Variants in SLC1A3 observed in about 807,000 individuals in gnomAD.
SLC1A3 encodes excitatory amino acid transporter 1.
SLC1A3 carries 21 observed loss-of-function variants against 48.1 expected under a neutral mutation model. The observed-to-expected ratio is 0.44, with a 90% CI of 0.31 to 0.63. SLC1A3 has a LOEUF of 0.63. SLC1A3 is among the 20% of genes least tolerant of loss of function. The pLI is 0.08. For synonymous variants in SLC1A3, 239 were observed against 251.4 expected, an observed-to-expected ratio of 0.95 and a Z score of 0.47; for missense variants, 546 against 689.0, an observed-to-expected ratio of 0.79 and a Z score of 2.32.
rs1176214248 is a variant in SLC1A3, at chr5:36,599,508, CTTTT to C, written c.-96+2846_-96+2849del. ...CCTACACATCGTAGCTACGGTTGAACTTTTTTTTTTTTTTTTTTTGAGACGGAGT... is the reference window on the plus strand; with the variant it reads ...CCTACACATCGTAGCTACGGTTGAACTTTTTTTTTTTTTTTGAGACGGAGT... On this transcript the variant is annotated intron_variant, in intron 1 of 9. Coordinates refer to the SLC1A3 transcript ENST00000680318. Among the ~76,000 whole-genome samples, 37 of 78,280 alleles carry C rather than the reference CTTTT, an allele frequency of 4.7e-4. 2 individuals carry two copies. The highest frequency in any genetic ancestry group is 5.9e-4 in the South Asian group (1 of 1,700). 51.4% of individuals were successfully genotyped at this position (78,280 alleles called of 152,430 possible). A position where few individuals can be genotyped will look rare whatever the true frequency, so the allele number is the denominator to read the frequency against.
At chr5:36,662,527 T>C (rs1741556818) in intron 3 of SLC1A3, among the ~76,000 whole-genome samples, 2 of 152,194 alleles carry the variant, frequency 1.3e-5, no homozygotes. Flanking sequence ...CTTGCTCTGC[T>C]TAGCACACAT....
chr5:36,606,994 G>C (rs1405391284), intron 1 of SLC1A3: 1 of 151,858 alleles, frequency 6.6e-6, no homozygotes, highest in Non-Finnish European at 1.5e-5. Flanking sequence ...AAGGTTGAGC[G>C]GATCTGCTTA....
chr5:36,615,517 G>T (rs928422003), intron 2 of SLC1A3, among the ~76,000 whole-genome samples: 1 of 152,086 alleles, frequency 6.6e-6, no homozygotes, highest in Non-Finnish European at 1.5e-5. Context: ...CCTCTTGAGG[G>T]CCCCTGGCTC....
intron 3 of SLC1A3, among the ~76,000 whole-genome samples, chr5:36,657,952 C>G (rs973559681): frequency 2.6e-5 from 4 of 152,186 alleles, no homozygotes; most frequent in African/African-American, 9.7e-5. Context: ...TTTGACAAAG[C>G]AGAGTAGCTA....
chr5:36,626,279 C>T (rs1436323430), intron 2 of SLC1A3, among the ~76,000 whole-genome samples: 1 of 152,154 alleles, frequency 6.6e-6, no homozygotes, highest in African/African-American at 2.4e-5. Context: ...TAATCGCTTC[C>T]TTCATCAGCC....
At chr5:36,665,957 G>C (rs193150861) in intron 3 of SLC1A3, among the ~76,000 whole-genome samples, 1 of 152,198 alleles carries the variant, frequency 6.6e-6, no homozygotes. Context: ...ATAGCACTTT[G>C]CAGTGTTTTT....
chr5:36,677,209 T>A (rs1414791354), intron 6 of SLC1A3, 25 bp downstream of exon 6: 2 of 1,592,162 alleles, frequency 1.3e-6, no homozygotes, highest in East Asian at 2.2e-5. Context: ...TTTCTATATA[T>A]GTTATATACG....
chr5:36,671,695 ATCT>A (rs1742002827), intron 4 of SLC1A3, among the ~76,000 whole-genome samples: 1 of 152,212 alleles, frequency 6.6e-6, no homozygotes, highest in Non-Finnish European at 1.5e-5. Flanking sequence ...TTTAGAGATC[ATCT>A]TGTCAAACCT....
chr5:36,646,606 T>C (rs1740850508), intron 3 of SLC1A3, among the ~76,000 whole-genome samples: 1 of 152,186 alleles, frequency 6.6e-6, no homozygotes, highest in African/African-American at 2.4e-5. Flanking sequence ...CGTCTCCATT[T>C]TGATGAAGGC....
At chr5:36,612,379 A>G (rs923057001) in intron 2 of SLC1A3, among the ~76,000 whole-genome samples, 2 of 152,192 alleles carry the variant, frequency 1.3e-5, no homozygotes, top group African/African-American at 4.8e-5. Flanking sequence ...CAGGAGTTCA[A>G]GATCAATCTG....
intron 2 of SLC1A3, among the ~76,000 whole-genome samples, chr5:36,627,156 TAC>T (rs377606634): frequency 5.9e-5 from 9 of 151,692 alleles, no homozygotes; most frequent in East Asian, 3.9e-4. Flanking sequence ...ACCCAACATA[TAC>T]ACACACACAC....
intron 3 of SLC1A3, among the ~76,000 whole-genome samples, chr5:36,661,597 A>AC (rs1741517930): frequency 6.6e-6 from 1 of 152,216 alleles, no homozygotes; most frequent in Non-Finnish European, 1.5e-5. Context: ...GTGGGTGGGC[A>AC]CAGGTGCATG....
intron 3 of SLC1A3, among the ~76,000 whole-genome samples, chr5:36,635,747 G>A (rs182257501): frequency 1.3e-5 from 2 of 152,280 alleles, no homozygotes; most frequent in South Asian, 2.1e-4. Context: ...TGTTGTGAGC[G>A]GAGATTTTCG....
At chr5:36,654,196 AG>A (rs1348633020) in intron 3 of SLC1A3, among the ~76,000 whole-genome samples, 1 of 152,250 alleles carries the variant, frequency 6.6e-6, no homozygotes, top group Non-Finnish European at 1.5e-5. Flanking sequence ...TCCACATCTG[AG>A]GGGTTCTTAC....
intron 3 of SLC1A3, among the ~76,000 whole-genome samples, chr5:36,635,782 T>A (rs920553919): frequency 2.6e-5 from 4 of 152,132 alleles, no homozygotes; most frequent in Admixed American, 1.3e-4. Context: ...TGAGGCGAAC[T>A]GAGTCTCCAT....
intron 2 of SLC1A3, among the ~76,000 whole-genome samples, chr5:36,612,110 A>G (rs1481351285): frequency 6.8e-6 from 1 of 148,072 alleles, no homozygotes; most frequent in Non-Finnish European, 1.5e-5. Flanking sequence ...CAGAGTTTGC[A>G]TTTGAGTTCT....
chr5:36,629,773 T>C (rs1740067092), intron 3 of SLC1A3, among the ~76,000 whole-genome samples, 186 bp downstream of exon 3: 1 of 151,952 alleles, frequency 6.6e-6, no homozygotes, highest in African/African-American at 2.4e-5. Context: ...AACTCTCGTA[T>C]TTTACCAATC....
rs1742689740 is a variant in SLC1A3, at chr5:36,687,289, G to C, written c.*1020G>C. 1 of 152,260 alleles carries C rather than the reference G, an allele frequency of 6.6e-6. No individual in the cohort carries two copies. Among genetic ancestry groups the C allele is most frequent in the African/African-American group, 2.4e-5 (1 of 41,468 alleles). 9.4% of individuals were successfully genotyped at this position (152,260 alleles called of 1,614,324 possible). On this transcript the variant is annotated 3_prime_UTR_variant, in exon 10 of 10. Coordinates refer to ENST00000265113, the MANE Select transcript of SLC1A3 (RefSeq NM_004172.5). ...AGACTAGCAGCTAGCAAGGGTGCTT[G>C]TGGTCACACTGTGGAACACTAAAGA...
chr5:36,673,450 C>T (rs1389280405), intron 4 of SLC1A3, among the ~76,000 whole-genome samples: 1 of 152,190 alleles, frequency 6.6e-6, no homozygotes, highest in African/African-American at 2.4e-5. Flanking sequence ...ACAAACAGTG[C>T]TTTGACAAAG....
Sources: gnomAD v4.1 joint callset for allele counts (sites outside exome capture counted in the v4.1 genomes callset) on GRCh38, gnomAD v4.1.1 for gene constraint, MANE v1.5 for transcripts, NCBI Gene and HGNC (gene_info 2026-07-23, HGNC 2026-07-21) for gene names.